Variants in OLFM3 observed in about 807,000 individuals in gnomAD.
OLFM3 encodes the protein noelin-3.
OLFM3 carries 20 observed loss-of-function variants against 48.6 expected under a neutral mutation model. The observed-to-expected ratio is 0.41, with a 90% CI of 0.29 to 0.60. OLFM3 has a LOEUF of 0.60. Among genes scored for constraint, OLFM3 ranks in the 20% least tolerant of loss-of-function variants. The probability of loss-of-function intolerance (pLI) is 0.28; values close to 1 mark genes in which losing one functional copy is unlikely to be tolerated. For synonymous variants in OLFM3, 222 were observed against 198.1 expected, an observed-to-expected ratio of 1.12 and a Z score of -1.01; for missense variants, 437 against 544.3, an observed-to-expected ratio of 0.80 and a Z score of 1.96.
chr1:101,866,752 T>G (rs988975999), intron 1 of OLFM3, among the ~76,000 whole-genome samples: 5 of 152,328 alleles, frequency 3.3e-5, no homozygotes, highest in Middle Eastern at 3.4e-3. Context: ...GTAACATCAC[T>G]TATCCTTTAT....
rs536116730 is a variant in OLFM3, at chr1:101,959,079, T to C, written c.69+37669A>G. 2.2e-3 allele frequency among the ~76,000 whole-genome samples: 320 copies of C among 145,034 alleles called. 1 individual carries two copies. The highest frequency in any genetic ancestry group is 3.5e-3 in the Middle Eastern group (1 of 288). On this transcript the variant is annotated intron_variant, in intron 1 of 5. Coordinates refer to ENST00000370103, the MANE Select transcript of OLFM3 (RefSeq NM_058170.4). The stretch of plus-strand genomic sequence containing the variant: ...CCCACCCCGGTCTTAGCCCCTGGTG[T>C]TAGAAAACAATTTTAGATAAAATAG...
intron 4 of OLFM3, 51 bp from the exon 5 acceptor site, chr1:101,806,233 A>C: frequency 7.4e-7 from 1 of 1,355,786 alleles, no homozygotes; most frequent in Non-Finnish European, 1.1e-6. Context: ...CAATGATTCC[A>C]ATACGCATAC....
At chr1:101,953,337 C>G (rs1453474980) in intron 1 of OLFM3, among the ~76,000 whole-genome samples, 1 of 152,096 alleles carries the variant, frequency 6.6e-6, no homozygotes, top group Non-Finnish European at 1.5e-5. Context: ...TATTGGAATA[C>G]AGCCCCACTC....
chr1:101,943,213 G>A (rs1659847977), intron 1 of OLFM3, among the ~76,000 whole-genome samples: 1 of 152,144 alleles, frequency 6.6e-6, no homozygotes, highest in African/African-American at 2.4e-5. Context: ...ATCCGGATGA[G>A]CCTGAATCAA....
At chr1:101,909,900 C>T (rs548257081) in intron 1 of OLFM3, 2 of 907,168 alleles carry the variant, frequency 2.2e-6, no homozygotes, top group East Asian at 1.2e-4. Context: ...TGAGCTAAAA[C>T]GCTATCTTTC....
intron 1 of OLFM3, 49 bp downstream of exon 1, chr1:101,996,698 GT>G: frequency 6.4e-7 from 1 of 1,574,442 alleles, no homozygotes; most frequent in African/African-American, 1.3e-5. Flanking sequence ...TGTTAGGTTT[GT>G]TACATATTGC....
At chr1:101,991,016 A>AAATATAT (rs1553186119) in intron 1 of OLFM3, among the ~76,000 whole-genome samples, 1 of 32,216 alleles carries the variant, frequency 3.1e-5, no homozygotes, top group Non-Finnish European at 5.2e-5. Context: ...AAAAAAAAAA[A>AAATATAT]ATATATATAT....
chr1:101,967,464 C>T (rs1173191324), intron 1 of OLFM3, among the ~76,000 whole-genome samples: 1 of 151,548 alleles, frequency 6.6e-6, no homozygotes, highest in Non-Finnish European at 1.5e-5. Flanking sequence ...CCTTATGTAA[C>T]AGTCAAAAGA....
chr1:101,985,897 T>A (rs1404084865), intron 1 of OLFM3, among the ~76,000 whole-genome samples: 1 of 152,122 alleles, frequency 6.6e-6, no homozygotes, highest in Non-Finnish European at 1.5e-5. Flanking sequence ...TATACATTTT[T>A]ACCTTTAACT....
chr1:101,828,930 G>A (rs1278465077), intron 3 of OLFM3, among the ~76,000 whole-genome samples: 1 of 152,110 alleles, frequency 6.6e-6, no homozygotes, highest in African/African-American at 2.4e-5. Flanking sequence ...TGGTTTTCTT[G>A]ATCCCCCTAT....
chr1:101,862,004 G>A (rs1213548079), intron 1 of OLFM3, among the ~76,000 whole-genome samples: 1 of 152,166 alleles, frequency 6.6e-6, no homozygotes, highest in Admixed American at 6.5e-5. Flanking sequence ...TGGTGTTTAG[G>A]CATACTTAAA....
intron 3 of OLFM3, among the ~76,000 whole-genome samples, chr1:101,827,965 T>C (rs1285390278): frequency 1.3e-5 from 2 of 152,256 alleles, no homozygotes; most frequent in East Asian, 1.9e-4. Context: ...GAGTGAGTTC[T>C]CATGAGAGCT....
chr1:101,829,732 G>C (rs1199297654), intron 3 of OLFM3, among the ~76,000 whole-genome samples: 1 of 152,266 alleles, frequency 6.6e-6, no homozygotes, highest in Non-Finnish European at 1.5e-5. Context: ...AGGCTATTAA[G>C]TGGGCAACCA....
chr1:101,954,794 T>G (rs930756080), intron 1 of OLFM3, among the ~76,000 whole-genome samples: 1 of 152,110 alleles, frequency 6.6e-6, no homozygotes, highest in Non-Finnish European at 1.5e-5. Context: ...AAACATTTAA[T>G]TGGCTATTGT....
At chr1:101,819,166 G>A (rs1372693162) in intron 4 of OLFM3, among the ~76,000 whole-genome samples, 5 of 152,094 alleles carry the variant, frequency 3.3e-5, no homozygotes, top group Admixed American at 6.6e-5. Context: ...TGGGAAGGAA[G>A]GGTGTCCCAT....
intron 1 of OLFM3, among the ~76,000 whole-genome samples, chr1:101,900,252 A>G (rs1197279012): frequency 1.3e-5 from 2 of 152,166 alleles, no homozygotes; most frequent in Non-Finnish European, 2.9e-5. Context: ...AGACTTGAAA[A>G]ATATTCTGAA....
intron 1 of OLFM3, among the ~76,000 whole-genome samples, chr1:101,897,263 T>C (rs545657479): frequency 6.6e-6 from 1 of 152,272 alleles, no homozygotes; most frequent in African/African-American, 2.4e-5. Context: ...TAAATGCCTA[T>C]AAAATATTTT....
intron 5 of OLFM3, 129 bp from the exon 6 acceptor site, chr1:101,805,044 T>G (rs911514511): frequency 1.5e-6 from 1 of 678,256 alleles, no homozygotes; most frequent in African/African-American, 1.8e-5. Context: ...ATCTTACTGC[T>G]GACCTGCCGC....
intron 1 of OLFM3, among the ~76,000 whole-genome samples, chr1:101,925,895 T>C (rs1319948882): frequency 6.6e-6 from 1 of 152,162 alleles, no homozygotes; most frequent in East Asian, 1.9e-4. Flanking sequence ...TTCTCAGTTA[T>C]ATGCTCATTA....
Sources: gnomAD v4.1 joint callset for allele counts (sites outside exome capture counted in the v4.1 genomes callset) on GRCh38, gnomAD v4.1.1 for gene constraint, MANE v1.5 for transcripts, NCBI Gene and HGNC (gene_info 2026-07-23, HGNC 2026-07-21) for gene names.